CSMD1: variants seen among roughly 807,000 people sequenced by gnomAD.
CSMD1 encodes CUB and Sushi multiple domains 1, also known as CUB and sushi domain-containing protein 1.
CSMD1 carries 213 observed loss-of-function variants against 417.5 expected under a neutral mutation model. That is an observed-to-expected ratio of 0.51 (90% CI 0.46 to 0.57). The LOEUF (loss-of-function observed/expected upper bound fraction) is 0.57. Among genes scored for constraint, CSMD1 ranks in the 20% least tolerant of loss-of-function variants. The pLI is 0.00. For missense variants in CSMD1, 6,923 were observed against 4,529.7 expected (o/e 1.53, Z -15.17); for synonymous variants, 2,862 against 1,736.8 (o/e 1.65, Z -16.11).
intron 1 of CSMD1, among the ~76,000 whole-genome samples, chr8:4,721,453 A>G (rs1809045570): frequency 6.6e-6 from 1 of 152,224 alleles, no homozygotes; most frequent in Non-Finnish European, 1.5e-5. Flanking sequence ...AATACAAACT[A>G]TTCTGGAAGA....
intron 26 of CSMD1, among the ~76,000 whole-genome samples, chr8:3,269,042 A>T (rs13256957): frequency 6.6e-6 from 1 of 152,076 alleles, no homozygotes; most frequent in Admixed American, 6.5e-5. Flanking sequence ...TTTGTAATCA[A>T]TCTCGCTAAT....
intron 5 of CSMD1, among the ~76,000 whole-genome samples, chr8:3,967,843 G>T (rs1812789969): frequency 6.6e-6 from 1 of 151,884 alleles, no homozygotes; most frequent in Non-Finnish European, 1.5e-5. Context: ...AGTAACTTAT[G>T]ATGACAGCAT....
intron 1 of CSMD1, among the ~76,000 whole-genome samples, chr8:4,757,123 A>G (rs1811715889): frequency 1.3e-5 from 2 of 152,252 alleles, no homozygotes; most frequent in South Asian, 2.1e-4. Flanking sequence ...CATAAGTCAC[A>G]TTAGTACTGA....
intron 3 of CSMD1, among the ~76,000 whole-genome samples, chr8:4,219,768 T>G (rs1800915975): frequency 6.6e-6 from 1 of 152,182 alleles, no homozygotes; most frequent in South Asian, 2.1e-4. Context: ...AAAATAATAT[T>G]TTTAATGTCA....
intron 1 of CSMD1, among the ~76,000 whole-genome samples, chr8:4,751,226 A>T (rs1055061687): frequency 6.6e-6 from 1 of 152,156 alleles, no homozygotes; most frequent in Non-Finnish European, 1.5e-5. Context: ...CTCTACTAAA[A>T]ATACACAAAT....
At chr8:4,559,663 T>C (rs1798242271) in intron 2 of CSMD1, among the ~76,000 whole-genome samples, 1 of 152,226 alleles carries the variant, frequency 6.6e-6, no homozygotes, top group Non-Finnish European at 1.5e-5. Context: ...CATATTTATG[T>C]AACCTATACC....
chr8:4,976,294 ATGGAGTAG>A (rs1810557573), intron 1 of CSMD1, among the ~76,000 whole-genome samples: 1 of 152,216 alleles, frequency 6.6e-6, no homozygotes, highest in Non-Finnish European at 1.5e-5. Context: ...TTACAAATGT[ATGGAGTAG>A]CTACCTCAGA....
chr8:3,909,628 T>C (rs546108674), intron 5 of CSMD1, among the ~76,000 whole-genome samples: 1 of 152,196 alleles, frequency 6.6e-6, no homozygotes, highest in East Asian at 1.9e-4. Flanking sequence ...AGGAGCTTGT[T>C]TGTGCTGCAG....
intron 2 of CSMD1, among the ~76,000 whole-genome samples, chr8:4,607,840 T>C (rs1800961989): frequency 6.6e-6 from 1 of 152,218 alleles, no homozygotes; most frequent in Non-Finnish European, 1.5e-5. Flanking sequence ...GTACTTTCAC[T>C]ATTTTCTGAA....
chr8:4,445,901 G>A lies in CSMD1; in HGVS notation c.303-25836C>T, dbSNP rs187895710. On this transcript the variant is annotated intron_variant, in intron 2 of 69. Coordinates refer to ENST00000635120, the MANE Select transcript of CSMD1 (RefSeq NM_033225.6). ...GGGCACAAGAGGAGAGAGCACGGAT[G>A]CAGGGACGTGACCTGGGCCTTTCAG... 3.0e-4 allele frequency among the ~76,000 whole-genome samples: 46 copies of A among 152,310 alleles called. No individual in the cohort carries two copies. The East Asian group carries it at 8.3e-3, about 28-fold the overall frequency.
rs185735750 is a variant in CSMD1, at chr8:4,287,920, G to T, written c.415+132033C>A. Among the ~76,000 whole-genome samples the T allele has an allele frequency of 2.8e-3, 427 of 151,988 alleles. 3 individuals carry two copies. Among genetic ancestry groups the T allele is most frequent in the Non-Finnish European group, 4.8e-3 (328 of 67,974 alleles). Reference sequence around the variant, plus strand: ...TGCTCTTAAGCCATCACATATCTATGGTCATGTTTAGTTGCAAAACTTTTC... The same window carrying T: ...TGCTCTTAAGCCATCACATATCTATTGTCATGTTTAGTTGCAAAACTTTTC... On this transcript the variant is annotated intron_variant, in intron 3 of 69. Transcript: ENST00000635120.
chr8:4,913,699 A>G (rs1205019689), intron 1 of CSMD1, among the ~76,000 whole-genome samples: 1 of 152,128 alleles, frequency 6.6e-6, no homozygotes, highest in Non-Finnish European at 1.5e-5. Flanking sequence ...TTTCCTGACT[A>G]CAATTAATCT....
chr8:4,843,614 T>C (rs1416301195), intron 1 of CSMD1, among the ~76,000 whole-genome samples: 1 of 152,206 alleles, frequency 6.6e-6, no homozygotes, highest in East Asian at 1.9e-4. Context: ...CCAGGAGTTC[T>C]GTTTTCTATG....
rs373332805 is a variant in CSMD1 at position 4,824,679 on chromosome 8, G to A, written c.85+169653C>T. On this transcript the variant is annotated intron_variant, in intron 1 of 69. Transcript: ENST00000635120. ...TCATAACGAAAGTGACAATTTTTGC[G>A]TACACATTTCTATCCACTGAAATAA... Among the ~76,000 whole-genome samples, 27 of 152,194 alleles carry A rather than the reference G, an allele frequency of 1.8e-4. No individual in the cohort carries two copies. The South Asian group carries it at 2.9e-3, about 16-fold the overall frequency.
intron 3 of CSMD1, among the ~76,000 whole-genome samples, chr8:4,174,213 T>A (rs1037329732): frequency 1.3e-5 from 2 of 152,158 alleles, no homozygotes; most frequent in Non-Finnish European, 2.9e-5. Context: ...TCAGCAGCTA[T>A]GTGAGGACAC....
At chr8:3,260,580 C>G in intron 26 of CSMD1, among the ~76,000 whole-genome samples, 1 of 151,884 alleles carries the variant, frequency 6.6e-6, no homozygotes, top group East Asian at 1.9e-4. Flanking sequence ...CCACCGAGAA[C>G]AAACCCCCCT....
intron 28 of CSMD1, among the ~76,000 whole-genome samples, chr8:3,219,799 C>A (rs1195107959): frequency 6.6e-6 from 1 of 152,098 alleles, no homozygotes; most frequent in African/African-American, 2.4e-5. Context: ...AAAAGAGACA[C>A]ATTTCCACTG....
intron 1 of CSMD1, among the ~76,000 whole-genome samples, chr8:4,667,483 C>A (rs1040194858): frequency 2.0e-5 from 3 of 151,604 alleles, no homozygotes; most frequent in African/African-American, 7.3e-5. Context: ...TGAAGTACTC[C>A]AATTCATGAA....
intron 3 of CSMD1, among the ~76,000 whole-genome samples, chr8:4,300,095 C>T (rs572033394): frequency 2.0e-5 from 3 of 152,260 alleles, no homozygotes; most frequent in Non-Finnish European, 2.9e-5. Flanking sequence ...ATTTGATTTG[C>T]CCATTTGCTA....
Sources: allele counts gnomAD v4.1 joint callset (sites outside exome capture counted in the v4.1 genomes callset), GRCh38; gene constraint gnomAD v4.1.1; transcripts MANE v1.5; gene names NCBI Gene and HGNC (gene_info 2026-07-23, HGNC 2026-07-21).